Variants in CDH8 observed in about 807,000 individuals in gnomAD.
The protein encoded by CDH8 is cadherin-8.
In CDH8, 17 loss-of-function variants were observed where a neutral mutation model predicts 68.1. The observed-to-expected ratio is 0.25, with a 90% CI of 0.17 to 0.37. CDH8 has a LOEUF of 0.37. CDH8 is among the 10% of genes least tolerant of loss of function. The probability of loss-of-function intolerance (pLI) is 1.00; values close to 1 mark genes in which losing one functional copy is unlikely to be tolerated. For synonymous variants in CDH8, 372 were observed against 365.1 expected (o/e 1.02, Z -0.21); for missense variants, 763 against 999.3 (o/e 0.76, Z 3.19).
intron 8 of CDH8, among the ~76,000 whole-genome samples, chr16:61,775,363 G>A (rs1486913362): frequency 6.6e-6 from 1 of 152,092 alleles, no homozygotes; most frequent in Non-Finnish European, 1.5e-5. Flanking sequence ...AAAGAAGGCA[G>A]GAGAGTAATT....
chr16:61,787,164 T>C (rs1230273645), intron 8 of CDH8, among the ~76,000 whole-genome samples: 1 of 151,892 alleles, frequency 6.6e-6, no homozygotes, highest in Non-Finnish European at 1.5e-5. Flanking sequence ...GCCTACAAAC[T>C]GGGAGAAAAT....
In CDH8 at chr16:61,919,296, C is replaced by T. The variant is rs997011418; in HGVS notation, c.253-17823G>A. ...AAGGAACGCAGTTCCTCACCAGCAACGGAACAAAGCTGGACGGAGAATGAC... is the reference window on the plus strand; with the variant it reads ...AAGGAACGCAGTTCCTCACCAGCAATGGAACAAAGCTGGACGGAGAATGAC... On this transcript the variant is annotated intron_variant, in intron 2 of 11. Transcript: ENST00000577390. Among the ~76,000 whole-genome samples, 33 of 148,494 alleles carry T rather than the reference C, an allele frequency of 2.2e-4. 1 individual carries two copies. Among genetic ancestry groups the T allele is most frequent in the African/African-American group, 7.0e-4 (28 of 40,284 alleles).
chr16:61,959,523 CCTCTCT>C (rs10624937), intron 2 of CDH8, among the ~76,000 whole-genome samples: 4 of 133,522 alleles, frequency 3.0e-5, no homozygotes, highest in East Asian at 2.3e-4. Flanking sequence ...CCTTATCCTC[CCTCTCT>C]CTCTCTCTCT....
chr16:61,900,493 C>T (rs909922877), intron 3 of CDH8, among the ~76,000 whole-genome samples: 4 of 152,146 alleles, frequency 2.6e-5, no homozygotes, highest in African/African-American at 9.7e-5. Context: ...TTCTTATCAT[C>T]ATGGCAGGGG....
intron 8 of CDH8, among the ~76,000 whole-genome samples, chr16:61,757,939 T>C (rs543372564): frequency 6.6e-6 from 1 of 152,294 alleles, no homozygotes; most frequent in Non-Finnish European, 1.5e-5. Context: ...CAGTAGATAA[T>C]CAAAACAGAT....
At chr16:61,896,133 T>G (rs1052753263) in intron 3 of CDH8, among the ~76,000 whole-genome samples, 1 of 152,214 alleles carries the variant, frequency 6.6e-6, no homozygotes, top group Non-Finnish European at 1.5e-5. Flanking sequence ...TAGGGACATT[T>G]GCATTGAAAA....
intron 4 of CDH8, among the ~76,000 whole-genome samples, chr16:61,844,105 G>A (rs1464614847): frequency 6.6e-6 from 1 of 151,950 alleles, no homozygotes; most frequent in African/African-American, 2.4e-5. Flanking sequence ...CATAAAAAAT[G>A]ATGACTTCAT....
chr16:62,013,591 A>G (rs1901868456), intron 2 of CDH8, among the ~76,000 whole-genome samples: 1 of 152,166 alleles, frequency 6.6e-6, no homozygotes, highest in Non-Finnish European at 1.5e-5. Context: ...TATTTTCTAT[A>G]CACATTTTAT....
At chr16:61,820,330 T>C (rs912988699) in intron 6 of CDH8, among the ~76,000 whole-genome samples, 1 of 148,470 alleles carries the variant, frequency 6.7e-6, no homozygotes, top group Non-Finnish European at 1.5e-5. Context: ...TTTTTTTTTT[T>C]TTTTTTTTTT....
At chr16:61,910,749 T>C (rs1336477959) in intron 2 of CDH8, among the ~76,000 whole-genome samples, 1 of 152,110 alleles carries the variant, frequency 6.6e-6, no homozygotes, top group Non-Finnish European at 1.5e-5. Context: ...TTAGGAAATA[T>C]AATGATGAGT....
intron 8 of CDH8, among the ~76,000 whole-genome samples, chr16:61,731,952 T>C (rs974887320): frequency 6.6e-6 from 1 of 151,354 alleles, no homozygotes; most frequent in African/African-American, 2.4e-5. Flanking sequence ...CAAATGGAAA[T>C]TGTGCAGTAG....
intron 10 of CDH8, chr16:61,693,015 A>G (rs1964261403): frequency 6.6e-6 from 1 of 152,144 alleles, no homozygotes; most frequent in Admixed American, 6.5e-5. Flanking sequence ...ATTTGTGGAT[A>G]TTGGCAGGAT....
chr16:61,736,117 AAGGAAGGAAGGAAGGAAGGAAGG>A, intron 8 of CDH8, among the ~76,000 whole-genome samples: 1 of 144,664 alleles, frequency 6.9e-6, no homozygotes, highest in South Asian at 2.3e-4. Flanking sequence ...GAAAGAAAGG[AAGGAAGGAAGGAAGGAAGGAAGG>A]AAGGAAGGAA....
Position 62,036,155 on chromosome 16 carries a change from C to T in CDH8, c.-275G>A, listed in dbSNP as rs1287178519. 4 of 152,282 alleles carry T rather than the reference C, an allele frequency of 2.6e-5. No homozygotes were observed. Among genetic ancestry groups the T allele is most frequent in the African/African-American group, 9.6e-5 (4 of 41,456 alleles). 9.4% of individuals were successfully genotyped at this position (152,282 alleles called of 1,614,324 possible). ...GCTGGAGGTGCTCGGGGTTAGCTCC[C>T]GAGGGCGGCAAGCGCCGACCGGTCC... On this transcript the variant is annotated 5_prime_UTR_variant, in exon 1 of 12. Coordinates refer to ENST00000577390, the MANE Select transcript of CDH8 (RefSeq NM_001796.5).
intron 8 of CDH8, among the ~76,000 whole-genome samples, chr16:61,749,621 G>A (rs1311970611): frequency 2.6e-5 from 4 of 151,830 alleles, no homozygotes; most frequent in African/African-American, 4.8e-5. Flanking sequence ...CCTATCTCAG[G>A]GGTGACTGAA....
intron 1 of CDH8, among the ~76,000 whole-genome samples, chr16:62,035,455 G>A (rs952128810): frequency 6.6e-5 from 10 of 152,216 alleles, no homozygotes; most frequent in African/African-American, 1.7e-4. Flanking sequence ...CCGGAGCCCG[G>A]CAAGTTTGTA....
intron 8 of CDH8, among the ~76,000 whole-genome samples, chr16:61,746,802 C>G (rs1213865889): frequency 6.6e-6 from 1 of 151,996 alleles, no homozygotes; most frequent in East Asian, 1.9e-4. Flanking sequence ...AAAGCCAGAC[C>G]AATTTCTTGA....
At chr16:62,014,016 G>A (rs1034618516) in intron 2 of CDH8, among the ~76,000 whole-genome samples, 1 of 152,060 alleles carries the variant, frequency 6.6e-6, no homozygotes, top group African/African-American at 2.4e-5. Flanking sequence ...CATAAGCATT[G>A]ATTATCCACT....
intron 2 of CDH8, among the ~76,000 whole-genome samples, chr16:62,007,044 A>C (rs980364731): frequency 2.0e-5 from 3 of 152,092 alleles, no homozygotes; most frequent in African/African-American, 7.2e-5. Context: ...AGTAGCTGGG[A>C]CTGCAGGTGA....
Sources: allele counts gnomAD v4.1 joint callset (sites outside exome capture counted in the v4.1 genomes callset), GRCh38; gene constraint gnomAD v4.1.1; transcripts MANE v1.5; gene names NCBI Gene and HGNC (gene_info 2026-07-23, HGNC 2026-07-21).